TEX9: variants seen among roughly 807,000 people sequenced by gnomAD.
TEX9 encodes the protein testis-expressed protein 9.
In TEX9, 74 loss-of-function variants were observed where a neutral mutation model predicts 59.6. The ratio of observed to expected loss-of-function variants is 1.24; its 90% confidence interval spans 1.03 to 1.51. TEX9 has a LOEUF of 1.51. TEX9 is among the 40% of genes most tolerant of loss of function. The pLI is 0.00. For missense variants in TEX9, 522 were observed against 447.8 expected (o/e 1.17, Z -1.49); for synonymous variants, 186 against 152.2 (o/e 1.22, Z -1.64).
intron 12 of TEX9, chr15:56,429,220 C>T: frequency 7.1e-7 from 1 of 1,402,612 alleles, no homozygotes; most frequent in East Asian, 2.4e-5. Context: ...TTGTGGGTTA[C>T]TTTTGAATAC....
chr15:56,452,499 A>G, the TEX9 span, among the ~76,000 whole-genome samples: 1 of 150,292 alleles, frequency 6.7e-6, no homozygotes, highest in African/African-American at 2.4e-5. Flanking sequence ...AGTATAATCC[A>G]TATTGTTTTG....
chr15:56,327,663 G>A (rs1484891246), intron 1 of TEX9, among the ~76,000 whole-genome samples: 3 of 152,068 alleles, frequency 2.0e-5, no homozygotes, highest in Non-Finnish European at 4.4e-5. Context: ...CAGCAGCCTC[G>A]TGGTGCAGAA....
chr15:56,412,439 A>G lies in TEX9; in HGVS notation c.963+3A>G, dbSNP rs755606089. ...GTAAATTAAGGCAAAATAACAAGGT[A>G]TGGAAAAATTGAATAGCTTTTGTAG... On this transcript the variant is annotated splice_donor_region_variant and intron_variant, in intron 10 of 12. Coordinates refer to ENST00000352903, the Ensembl canonical transcript of TEX9. 6.2e-7 allele frequency: 1 copy of G among 1,604,456 alleles called. No individual in the cohort carries two copies. Among genetic ancestry groups the G allele is most frequent in the Non-Finnish European group, 8.5e-7 (1 of 1,177,606 alleles).
At chr15:56,317,498 T>A (rs1037030554) in intron 1 of TEX9, among the ~76,000 whole-genome samples, 1 of 152,228 alleles carries the variant, frequency 6.6e-6, no homozygotes, top group African/African-American at 2.4e-5. Flanking sequence ...CTATTGATTT[T>A]CTCTATTGTT....
intron 6 of TEX9, among the ~76,000 whole-genome samples, chr15:56,389,695 GTT>G (rs36000868): frequency 1.3e-5 from 2 of 148,876 alleles, no homozygotes; most frequent in East Asian, 2.0e-4. Flanking sequence ...CTACAACTGG[GTT>G]TTTTTTTTAA....
chr15:56,422,952 G>T (rs2050052501), intron 10 of TEX9, among the ~76,000 whole-genome samples: 2 of 152,114 alleles, frequency 1.3e-5, no homozygotes, highest in Admixed American at 6.6e-5. Flanking sequence ...ATGTTCTCAA[G>T]GTTGATCAAA....
chr15:56,252,857 G>A (rs2044057688), intron 1 of TEX9, among the ~76,000 whole-genome samples: 1 of 152,118 alleles, frequency 6.6e-6, no homozygotes, highest in African/African-American at 2.4e-5. Context: ...ATTGGTAAAA[G>A]TGGGGATAAT....
At chr15:56,430,458 A>C (rs1438536240) in intron 12 of TEX9, among the ~76,000 whole-genome samples, 3 of 152,172 alleles carry the variant, frequency 2.0e-5, no homozygotes, top group Non-Finnish European at 4.4e-5. Context: ...CTCCTGCCTC[A>C]GCCTCCCAAA....
chr15:56,444,845 A>G (rs570175126), intron 12 of TEX9, among the ~76,000 whole-genome samples: 44 of 152,202 alleles, frequency 2.9e-4, no homozygotes, highest in African/African-American at 9.1e-4. Context: ...GGTGTGAACA[A>G]TAAGTCAGAC....
chr15:56,287,990 C>T lies in TEX9; in HGVS notation c.-107+43712C>T, dbSNP rs529444022. ...ATGTTGCAACATGAACATGAGAGTG[C>T]AGACATCTCTTTGACATACTGATTT... On this transcript the variant is annotated intron_variant, in intron 1 of 5. Coordinates refer to the TEX9 transcript ENST00000560827. Among the ~76,000 whole-genome samples, 150 of 152,156 alleles carry T rather than the reference C, an allele frequency of 9.9e-4. 1 individual carries two copies. The highest frequency in any genetic ancestry group is 1.7e-3 in the Non-Finnish European group (119 of 68,006).
At position 56,394,656 on chromosome 15, in the gene TEX9, T is replaced by C; in HGVS notation, c.655-5T>C. The C allele has an allele frequency of 6.4e-7, 1 of 1,558,344 alleles. No individual in the cohort carries two copies. The highest frequency in any genetic ancestry group is 8.8e-7 in the Non-Finnish European group (1 of 1,135,832). On this transcript the variant is annotated splice_region_variant and splice_polypyrimidine_tract_variant and intron_variant, in intron 8 of 12. Transcript: ENST00000352903. ...TTCACATAATCTATAACTTTATAAC[T>C]ATAGGAGGATGAAATTCAGAATTTA...
intron 1 of TEX9, among the ~76,000 whole-genome samples, chr15:56,351,125 T>G (rs2046570067): frequency 1.3e-5 from 2 of 152,206 alleles, no homozygotes; most frequent in Non-Finnish European, 1.5e-5. Flanking sequence ...TTAATCATAA[T>G]TCAAGAGTGA....
intron 7 of TEX9, 128 bp downstream of exon 7, chr15:56,391,546 A>G (rs1204416221): frequency 6.7e-6 from 4 of 592,848 alleles, no homozygotes; most frequent in Non-Finnish European, 1.0e-5. Context: ...AGAATTATCT[A>G]GTAGGATGTG....
At chr15:56,335,607 A>G (rs537248497) in intron 1 of TEX9, among the ~76,000 whole-genome samples, 84 of 152,326 alleles carry the variant, frequency 5.5e-4, no homozygotes, top group African/African-American at 1.9e-3. Context: ...TGATTATAGT[A>G]AAAACTAATT....
chr15:56,430,175 G>A (rs1392864042), intron 12 of TEX9, 21 bp downstream of exon 12: 2 of 152,076 alleles, frequency 1.3e-5, no homozygotes, highest in Non-Finnish European at 2.9e-5. Context: ...TTATTTATAT[G>A]AGTCTAGATG....
intron 1 of TEX9, among the ~76,000 whole-genome samples, chr15:56,357,884 T>G (rs1188103820): frequency 2.0e-5 from 3 of 152,194 alleles, no homozygotes; most frequent in Admixed American, 6.5e-5. Flanking sequence ...ATATCTGAAT[T>G]TATTGGAAGT....
chr15:56,269,907 C>T (rs531177946), intron 1 of TEX9, among the ~76,000 whole-genome samples: 183 of 152,208 alleles, frequency 1.2e-3, no homozygotes, highest in African/African-American at 4.3e-3. Flanking sequence ...CCGCCCACCT[C>T]GGCCTCCCAA....
At chr15:56,274,834 AC>A (rs2044631748) in intron 1 of TEX9, among the ~76,000 whole-genome samples, 2 of 152,022 alleles carry the variant, frequency 1.3e-5, no homozygotes, top group African/African-American at 4.8e-5. Flanking sequence ...TCTTCAGTGT[AC>A]CACTGGCTTC....
At chr15:56,265,801 T>G (rs1466540701) in intron 1 of TEX9, among the ~76,000 whole-genome samples, 1 of 152,208 alleles carries the variant, frequency 6.6e-6, no homozygotes, top group Non-Finnish European at 1.5e-5. Context: ...TGGAAAAGAA[T>G]ATTCTCTTGT....
Sources: allele counts gnomAD v4.1 joint callset (sites outside exome capture counted in the v4.1 genomes callset), GRCh38; gene constraint gnomAD v4.1.1; transcripts MANE v1.5; gene names NCBI Gene and HGNC (gene_info 2026-07-23, HGNC 2026-07-21).